Variants in PCDHGA2 observed in about 807,000 individuals in gnomAD.
PCDHGA2 encodes protocadherin gamma subfamily A, 2.
PCDHGA2 carries 40 observed loss-of-function variants against 59.2 expected under a neutral mutation model. The observed-to-expected ratio is 0.68, with a 90% CI of 0.52 to 0.88. PCDHGA2 has a LOEUF of 0.88. Ranked by LOEUF, PCDHGA2 falls within the 40% of genes least tolerant of loss-of-function variation. The probability of loss-of-function intolerance (pLI) is 0.00; values close to 1 mark genes in which losing one functional copy is unlikely to be tolerated. For missense variants in PCDHGA2, 1,226 were observed against 1,204.0 expected, an observed-to-expected ratio of 1.02 and a Z score of -0.27; for synonymous variants, 560 against 526.0, an observed-to-expected ratio of 1.06 and a Z score of -0.89.
chr5:141,367,922 CAACTT>C (rs974333677), intron 1 of PCDHGA2: 11 of 152,168 alleles, frequency 7.2e-5, no homozygotes, highest in East Asian at 1.9e-4. Flanking sequence ...AAAAAGAACT[CAACTT>C]AAAGATGGTT....
In PCDHGA2 at chr5:141,448,771, T is replaced by C. The variant is rs564309379; in HGVS notation, c.2425-46036T>C. Among the ~76,000 whole-genome samples the C allele has an allele frequency of 6.6e-4, 100 of 151,738 alleles. 1 individual carries two copies. The highest frequency in any genetic ancestry group is 6.8e-3 in the Middle Eastern group (2 of 294). On this transcript the variant is annotated intron_variant, in intron 1 of 3. Coordinates refer to ENST00000394576, the MANE Select transcript of PCDHGA2 (RefSeq NM_018915.4). ...CTGGCTAACACGGTGAAACCCCGTCTGTACTAAAAATACAAAAAAAAAAAT... is the reference window on the plus strand; with the variant it reads ...CTGGCTAACACGGTGAAACCCCGTCCGTACTAAAAATACAAAAAAAAAAAT...
chr5:141,375,822 G>C (rs1439795137), intron 1 of PCDHGA2: 3 of 1,614,144 alleles, frequency 1.9e-6, no homozygotes. Context: ...CTGGCGCCCC[G>C]CTCCGCAGAG....
intron 1 of PCDHGA2, chr5:141,357,337 G>C: frequency 1.2e-6 from 2 of 1,614,118 alleles, no homozygotes; most frequent in South Asian, 1.1e-5. Flanking sequence ...GGTGCTGCTA[G>C]CACTCAAGCT....
chr5:141,413,588 A>G, intron 1 of PCDHGA2: 1 of 1,613,922 alleles, frequency 6.2e-7, no homozygotes, highest in Non-Finnish European at 8.5e-7. Context: ...CCAAAATTCC[A>G]AGCAGAAAAT....
chr5:141,475,080 C>T (rs963278755), intron 1 of PCDHGA2, among the ~76,000 whole-genome samples: 3 of 152,128 alleles, frequency 2.0e-5, no homozygotes, highest in South Asian at 4.1e-4. Flanking sequence ...GCCATTATTT[C>T]AATAATTTTA....
At chr5:141,383,109 T>C (rs562167618) in intron 1 of PCDHGA2, 78 of 1,613,790 alleles carry the variant, frequency 4.8e-5, no homozygotes, top group Non-Finnish European at 6.3e-5. Flanking sequence ...TCTCCAGAGG[T>C]AGGACGCAGC....
rs2099745664 is a variant in PCDHGA2 at position 141,493,015 on chromosome 5, T to A, written c.2425-1792T>A. Among the ~76,000 whole-genome samples, 1 of 152,238 alleles carries A rather than the reference T, an allele frequency of 6.6e-6. No homozygotes were observed. The highest frequency in any genetic ancestry group is 1.5e-5 in the Non-Finnish European group (1 of 68,040). ...ATGGAAAGCTATAGGCTCTGCCAGA[T>A]GCCAGGGTGCCCTTATGTGTGAGGA... On this transcript the variant is annotated intron_variant, in intron 1 of 3. Transcript: ENST00000394576. The surrounding 1 kb of genome is among the most constrained non-coding windows in gnomAD (Gnocchi z 4.3).
At chr5:141,390,526 T>A (rs1405081511) in intron 1 of PCDHGA2, 1 of 548,156 alleles carries the variant, frequency 1.8e-6, no homozygotes, top group African/African-American at 1.9e-5. Flanking sequence ...AATGAGGGTG[T>A]GGTTTTAACC....
chr5:141,418,902 T>A, intron 1 of PCDHGA2: 3 of 1,613,930 alleles, frequency 1.9e-6, no homozygotes, highest in Non-Finnish European at 2.5e-6. Context: ...CCAGAAATAA[T>A]CATCACGTCA....
At chr5:141,451,892 A>C (rs1215224398) in intron 1 of PCDHGA2, among the ~76,000 whole-genome samples, 2 of 152,114 alleles carry the variant, frequency 1.3e-5, no homozygotes, top group Non-Finnish European at 2.9e-5. Context: ...AAAGAAAGGA[A>C]GGAACAAGGG....
intron 1 of PCDHGA2, chr5:141,390,918 T>G (rs997224874): frequency 5.2e-5 from 8 of 152,550 alleles, no homozygotes; most frequent in Non-Finnish European, 1.2e-4. Flanking sequence ...GAAAAAGGTC[T>G]ACTATGCTCA....
At chr5:141,382,657 C>T (rs1385150684) in intron 1 of PCDHGA2, 5 of 416,908 alleles carry the variant, frequency 1.2e-5, no homozygotes, top group Non-Finnish European at 2.1e-5. Flanking sequence ...AGTAAGGACT[C>T]ACAGCGCCGC....
intron 1 of PCDHGA2, chr5:141,389,275 C>T (rs976237601): frequency 7.4e-6 from 12 of 1,614,004 alleles, no homozygotes; most frequent in Admixed American, 1.7e-5. Context: ...GAGAACAACC[C>T]GCCTGGAGCC....
chr5:141,358,349 G>GT (rs1258884225), intron 1 of PCDHGA2, among the ~76,000 whole-genome samples: 2 of 152,164 alleles, frequency 1.3e-5, no homozygotes, highest in Non-Finnish European at 2.9e-5. Flanking sequence ...TGGACTGAGG[G>GT]TTTTTTAATT....
At position 141,497,540 on chromosome 5, in the gene PCDHGA2, C is replaced by CT. The variant is rs754207034; in HGVS notation, c.2483+2693dup. On this transcript the variant is annotated intron_variant, in intron 2 of 3. Transcript: ENST00000394576. Reference sequence around the variant, plus strand: ...TTAACTTGTGGAGGATGCAACAAACCTTTTTTTTTTTTTTTTTTAGACAGA... The same window carrying CT: ...TTAACTTGTGGAGGATGCAACAAACCTTTTTTTTTTTTTTTTTTTAGACAGA... Among the ~76,000 whole-genome samples, 618 of 134,908 alleles carry CT rather than the reference C, an allele frequency of 4.6e-3. 3 individuals carry two copies. The highest frequency in any genetic ancestry group is 0.012 in the African/African-American group (419 of 35,974). 88.5% of individuals were successfully genotyped at this position (134,908 alleles called of 152,430 possible). A position where few individuals can be genotyped will look rare whatever the true frequency, so the allele number is the denominator to read the frequency against.
At chr5:141,403,546 C>A (rs62378450) in intron 1 of PCDHGA2, 1 of 1,613,984 alleles carries the variant, frequency 6.2e-7, no homozygotes, top group South Asian at 1.1e-5. Flanking sequence ...TGCTGGAGCG[C>A]GCCCTGGACA....
At chr5:141,355,995 AG>A in intron 1 of PCDHGA2, 1 of 1,613,888 alleles carries the variant, frequency 6.2e-7, no homozygotes, top group Non-Finnish European at 8.5e-7. Context: ...TCACCGTAAA[AG>A]CCACTGATCC....
intron 1 of PCDHGA2, among the ~76,000 whole-genome samples, chr5:141,401,149 C>T (rs1398876381): frequency 6.6e-6 from 1 of 152,132 alleles, no homozygotes; most frequent in Non-Finnish European, 1.5e-5. Flanking sequence ...CAAGACCAGC[C>T]TGGGCAATAT....
chr5:141,352,511 T>C (rs767263704), intron 1 of PCDHGA2: 53 of 1,613,936 alleles, frequency 3.3e-5, no homozygotes, highest in Non-Finnish European at 4.2e-5. Flanking sequence ...CTACAATCTA[T>C]GTATTGCCTC....
Sources: gnomAD v4.1 joint callset for allele counts (sites outside exome capture counted in the v4.1 genomes callset) on GRCh38, gnomAD v4.1.1 for gene constraint, Gnocchi (gnomAD v3.1) non-coding constraint, MANE v1.5 for transcripts, NCBI Gene and HGNC (gene_info 2026-07-23, HGNC 2026-07-21) for gene names.